The following HIRA variants were observed in gnomAD, a reference collection of about 807,000 sequenced individuals.
HIRA encodes the protein protein HIRA.
HIRA carries 13 observed loss-of-function variants against 126.6 expected under a neutral mutation model. The observed-to-expected ratio is 0.10, with a 90% CI of 0.07 to 0.16. The LOEUF is 0.16. Among genes scored for constraint, HIRA ranks in the 10% least tolerant of loss-of-function variants. The pLI, the probability that HIRA is intolerant of heterozygous loss-of-function variation, is 1.00. For missense variants in HIRA, 834 were observed against 1,314.4 expected (o/e 0.63, Z 5.65); for synonymous variants, 511 against 520.0 (o/e 0.98, Z 0.24).
intron 3 of HIRA, 54 bp from the exon 4 acceptor site, chr22:19,407,328 T>C: frequency 7.1e-7 from 1 of 1,410,166 alleles, no homozygotes; most frequent in Non-Finnish European, 1.0e-6. Flanking sequence ...GCCCATTTGC[T>C]TTATGTAGAG....
At position 19,361,750 on chromosome 22, in the gene HIRA, T is replaced by C; in HGVS notation, c.1957A>G (p.Met653Val). 6.2e-7 allele frequency: 1 copy of C among 1,612,358 alleles called. No homozygotes were observed. The highest frequency in any genetic ancestry group is 8.5e-7 in the Non-Finnish European group (1 of 1,179,858). ...ACCTGGACAGACAGAGACACAGGCA[T>C]GAGACGAGAGTCCTTCCGAGGCCGC... ...KGRPRKDSRLMPVSLSVQSPA... is the reference protein window; with the variant it reads ...KGRPRKDSRLVPVSLSVQSPA... Residue 653 changes from methionine (M) to valine (V), a missense_variant, in exon 16 of 25, where the codon ATG (methionine) becomes GTG (valine). By Grantham distance (21) the Met-to-Val change is conservative. Around this residue, in one of 5 missense-constraint regions of HIRA, gnomAD observed 468 missense variants for 574.2 expected, o/e 0.82. Coordinates refer to ENST00000263208, the MANE Select transcript of HIRA (RefSeq NM_003325.4).
chr22:19,426,325 T>C (rs2089488119), intron 1 of HIRA, among the ~76,000 whole-genome samples: 1 of 152,230 alleles, frequency 6.6e-6, no homozygotes, highest in Non-Finnish European at 1.5e-5. Flanking sequence ...GGCAAGGCTC[T>C]GCCTCCCAGC....
intron 5 of HIRA, among the ~76,000 whole-genome samples, chr22:19,405,169 C>T (rs1369105328): frequency 2.0e-5 from 3 of 152,156 alleles, no homozygotes; most frequent in Non-Finnish European, 4.4e-5. Context: ...CCCATTCACA[C>T]CAAGACTTTC....
At chr22:19,346,363 AAG>A (rs1236281393) in intron 24 of HIRA, among the ~76,000 whole-genome samples, 17 of 152,374 alleles carry the variant, frequency 1.1e-4, no homozygotes, top group Non-Finnish European at 2.2e-4. Flanking sequence ...AATAAAATAA[AAG>A]AGTGTTGATA....
intron 18 of HIRA, among the ~76,000 whole-genome samples, chr22:19,358,559 A>G (rs2088835118): frequency 6.6e-6 from 1 of 152,164 alleles, no homozygotes; most frequent in Non-Finnish European, 1.5e-5. Context: ...TGGAGGGGGA[A>G]TTTGAGGGAG....
At chr22:19,342,076 A>G (rs2088635326) in intron 24 of HIRA, among the ~76,000 whole-genome samples, 1 of 152,256 alleles carries the variant, frequency 6.6e-6, no homozygotes, top group African/African-American at 2.4e-5. Flanking sequence ...AATATCTGGA[A>G]TCTACAAGGA....
intron 15 of HIRA, among the ~76,000 whole-genome samples, chr22:19,362,194 A>C (rs1004439615): frequency 3.9e-5 from 6 of 152,256 alleles, no homozygotes; most frequent in Non-Finnish European, 7.3e-5. Context: ...TGCAGGCCAG[A>C]AACTCACATC....
intron 22 of HIRA, among the ~76,000 whole-genome samples, 173 bp downstream of exon 22, chr22:19,353,823 T>C (rs918462115): frequency 2.3e-4 from 35 of 152,134 alleles, no homozygotes; most frequent in African/African-American, 8.4e-4. Flanking sequence ...GCAGGACCAC[T>C]ACCCTCAGCA....
intron 5 of HIRA, chr22:19,405,540 A>C: frequency 1.0e-6 from 1 of 984,092 alleles, no homozygotes; most frequent in Non-Finnish European, 1.2e-6. Flanking sequence ...TTCTACATTA[A>C]AGATATAAAC....
chr22:19,399,862 T>C lies in HIRA; in HGVS notation c.398-1775A>G, dbSNP rs547317714. Among the ~76,000 whole-genome samples the C allele has an allele frequency of 1.2e-4, 19 of 152,336 alleles. No individual in the cohort carries two copies. The East Asian group carries it at 3.3e-3, about 26-fold the overall frequency. On this transcript the variant is annotated intron_variant, in intron 5 of 24. Transcript: ENST00000263208. ...GTTTTTGGACTGATTTGCTGACTTA[T>C]TGTGACCATTTACTGGGAAGTGTTT...
rs752753586 is a variant in HIRA at position 19,355,854 on chromosome 22, T to C, written c.2467A>G (p.Thr823Ala). Residue 823 changes from threonine to alanine, a missense_variant, in exon 21 of 25, where the codon ACG (threonine) becomes GCG (alanine). This residue lies in a region of HIRA where 468 missense variants were observed against 574.2 expected (regional missense o/e 0.82). Coordinates refer to ENST00000263208, the MANE Select transcript of HIRA (RefSeq NM_003325.4). ...TGCGTCAGCAAGATCTGTGATACCGTCATATCACTTCCTGAGGACAGCATG... is the reference window on the plus strand; with the variant it reads ...TGCGTCAGCAAGATCTGTGATACCGCCATATCACTTCCTGAGGACAGCATG... ...LHSILAGSDM[T>A]VSQILLTQHG... 5.0e-6 allele frequency: 8 copies of C among 1,610,886 alleles called. No individual in the cohort carries two copies. The highest frequency in any genetic ancestry group is 6.8e-6 in the Non-Finnish European group (8 of 1,177,282).
intron 20 of HIRA, 60 bp from the exon 21 acceptor site, chr22:19,355,925 T>C: frequency 2.5e-6 from 3 of 1,211,190 alleles, no homozygotes; most frequent in Non-Finnish European, 2.4e-6. Context: ...TTTTCAAACA[T>C]ATCAAAGGAG....
chr22:19,346,343 T>C (rs973921679), intron 24 of HIRA, among the ~76,000 whole-genome samples: 8 of 152,154 alleles, frequency 5.3e-5, no homozygotes, highest in African/African-American at 1.9e-4. Flanking sequence ...TCGTCTCAAA[T>C]AAACACATAA....
At chr22:19,425,821 AAT>A (rs1280009077) in intron 1 of HIRA, among the ~76,000 whole-genome samples, 1 of 152,122 alleles carries the variant, frequency 6.6e-6, no homozygotes, top group African/African-American at 2.4e-5. Context: ...GTGTATTAAA[AAT>A]ACAAAAACAC....
intron 15 of HIRA, among the ~76,000 whole-genome samples, chr22:19,374,919 T>C (rs762806856): frequency 7.9e-5 from 12 of 152,188 alleles, no homozygotes; most frequent in Non-Finnish European, 1.6e-4. Context: ...TCTCCTAGGC[T>C]CTGACTCACT....
intron 11 of HIRA, among the ~76,000 whole-genome samples, chr22:19,386,000 C>A (rs1160603077): frequency 2.0e-5 from 3 of 152,216 alleles, no homozygotes; most frequent in Non-Finnish European, 4.4e-5. Flanking sequence ...CAAGACAACA[C>A]CTGCCCCACA....
At chr22:19,347,107 G>A (rs953934765) in intron 24 of HIRA, among the ~76,000 whole-genome samples, 26 of 152,172 alleles carry the variant, frequency 1.7e-4, no homozygotes, top group African/African-American at 6.0e-4. Context: ...GCCCATGAGG[G>A]GGACTCACTG....
chr22:19,340,484 G>A (rs1026945567), intron 24 of HIRA, among the ~76,000 whole-genome samples: 1 of 152,058 alleles, frequency 6.6e-6, no homozygotes, highest in Admixed American at 6.6e-5. Flanking sequence ...TGTCACCACT[G>A]CTATTCAACA....
Position 19,374,612 on chromosome 22 carries a change from T to C in HIRA, c.1775+1019A>G, listed in dbSNP as rs540849366. Among the ~76,000 whole-genome samples the C allele has an allele frequency of 4.6e-5, 7 of 152,298 alleles. No individual in the cohort carries two copies. In the East Asian group the frequency reaches 1.4e-3, roughly 29 times the overall value. On this transcript the variant is annotated intron_variant, in intron 15 of 24. Coordinates refer to ENST00000263208, the MANE Select transcript of HIRA (RefSeq NM_003325.4). Reference sequence around the variant, plus strand: ...AAGGAGAATAAATCCTGTCCAGACATGCAGTTCTGGACAGGGCTTTTCATA... The same window carrying C: ...AAGGAGAATAAATCCTGTCCAGACACGCAGTTCTGGACAGGGCTTTTCATA...
Sources: allele counts gnomAD v4.1 joint callset (sites outside exome capture counted in the v4.1 genomes callset), GRCh38; gene constraint gnomAD v4.1.1; regional missense constraint gnomAD v4.1.1; transcripts MANE v1.5; gene names NCBI Gene and HGNC (gene_info 2026-07-23, HGNC 2026-07-21).